Variants in SMYD2 observed in about 807,000 individuals in gnomAD.
The protein encoded by SMYD2 is N-lysine methyltransferase SMYD2.
Under a neutral mutation model 59.1 loss-of-function variants are expected in SMYD2, and 53 were observed. The ratio of observed to expected loss-of-function variants is 0.90; its 90% CI spans 0.72 to 1.13. The LOEUF (loss-of-function observed/expected upper bound fraction) is 1.13. SMYD2 is among the 50% of genes most tolerant of loss of function. The probability of loss-of-function intolerance (pLI) is 0.00; values close to 1 mark genes in which losing one functional copy is unlikely to be tolerated. For missense variants in SMYD2, 494 were observed against 544.7 expected, an observed-to-expected ratio of 0.91 and a Z score of 0.93; for synonymous variants, 208 against 198.8, an observed-to-expected ratio of 1.05 and a Z score of -0.39.
intron 1 of SMYD2, 100 bp from the exon 2 acceptor site, chr1:214,305,087 C>A: frequency 9.1e-7 from 1 of 1,103,282 alleles, no homozygotes; most frequent in South Asian, 1.3e-5. Flanking sequence ...TGAACCTTGG[C>A]TCTGCTTTCC....
At chr1:214,295,971 C>T (rs1308564567) in intron 1 of SMYD2, among the ~76,000 whole-genome samples, 1 of 152,170 alleles carries the variant, frequency 6.6e-6, no homozygotes, top group African/African-American at 2.4e-5. Flanking sequence ...GCTTTTTTCC[C>T]ATTCTCTTTT....
In SMYD2 at chr1:214,336,919, A is replaced by G. The variant is rs1657449580; in HGVS notation, c.*135A>G. On this transcript the variant is annotated 3_prime_UTR_variant, in exon 12 of 12. Transcript: ENST00000366957. The stretch of plus-strand genomic sequence containing the variant: ...ATGAAAATACTTCTTGCACTTAAAC[A>G]CTGCACATGCCGTACTTTGAGGTTA... 4.3e-6 allele frequency: 3 copies of G among 698,148 alleles called. No individual in the cohort carries two copies. The highest frequency in any genetic ancestry group is 3.0e-5 in the East Asian group (1 of 33,010). 43.2% of individuals were successfully genotyped at this position (698,148 alleles called of 1,614,324 possible).
intron 5 of SMYD2, among the ~76,000 whole-genome samples, chr1:214,323,311 G>A (rs72755497): frequency 6.6e-6 from 1 of 152,136 alleles, no homozygotes; most frequent in African/African-American, 2.4e-5. Flanking sequence ...GTACATATCT[G>A]TGGAAAGAAT....
At chr1:214,285,523 G>T (rs1465071215) in intron 1 of SMYD2, among the ~76,000 whole-genome samples, 1 of 152,122 alleles carries the variant, frequency 6.6e-6, no homozygotes, top group Admixed American at 6.5e-5. Context: ...CTAATAAAGG[G>T]GTTCCCCTTC....
intron 9 of SMYD2, 159 bp downstream of exon 9, chr1:214,331,229 A>C: frequency 2.0e-6 from 2 of 1,016,680 alleles, no homozygotes; most frequent in Non-Finnish European, 1.4e-6. Context: ...ACCACCCACA[A>C]TGTGGTGTCC....
chr1:214,281,993 C>G (rs1306786301), intron 1 of SMYD2, among the ~76,000 whole-genome samples: 1 of 152,208 alleles, frequency 6.6e-6, no homozygotes, highest in Non-Finnish European at 1.5e-5. Context: ...GGGCACTGAC[C>G]ACACCCCCTG....
intron 1 of SMYD2, among the ~76,000 whole-genome samples, chr1:214,283,052 C>T (rs1030286824): frequency 6.6e-6 from 1 of 152,156 alleles, no homozygotes; most frequent in Non-Finnish European, 1.5e-5. Flanking sequence ...ATAGTAGGTG[C>T]TTACTTTATA....
chr1:214,281,461 G>C, intron 1 of SMYD2, 34 bp downstream of exon 1: 1 of 1,326,898 alleles, frequency 7.5e-7, no homozygotes, highest in Non-Finnish European at 9.7e-7. Flanking sequence ...GCGGGCGGGA[G>C]CCGGGGGCGC....
intron 1 of SMYD2, among the ~76,000 whole-genome samples, chr1:214,297,337 T>C (rs1656749156): frequency 1.3e-5 from 2 of 152,126 alleles, no homozygotes; most frequent in African/African-American, 4.8e-5. Flanking sequence ...TAAGGAAATT[T>C]TGTTTTCTTT....
At chr1:214,325,267 C>A (rs1657242750) in intron 6 of SMYD2, among the ~76,000 whole-genome samples, 1 of 152,232 alleles carries the variant, frequency 6.6e-6, no homozygotes, top group South Asian at 2.1e-4. Flanking sequence ...AAAGGCTAGC[C>A]AGTTGACAAA....
intron 1 of SMYD2, 128 bp downstream of exon 1, chr1:214,281,555 G>C (rs1374131762): frequency 9.9e-5 from 20 of 203,018 alleles, no homozygotes; most frequent in Non-Finnish European, 1.6e-4. Flanking sequence ...GGGGTGGGGG[G>C]CGGGGAGGGG....
intron 3 of SMYD2, among the ~76,000 whole-genome samples, chr1:214,316,917 G>T (rs190894643): frequency 1.0e-3 from 156 of 152,312 alleles, no homozygotes; most frequent in Middle Eastern, 3.4e-3. Context: ...TGGGTGTGAG[G>T]TATCAGAGTC....
intron 1 of SMYD2, among the ~76,000 whole-genome samples, chr1:214,285,059 A>T (rs1415765074): frequency 6.6e-6 from 1 of 152,120 alleles, no homozygotes; most frequent in Non-Finnish European, 1.5e-5. Flanking sequence ...GCCTCCTTGG[A>T]ATAGAGCTGT....
chr1:214,331,020 G>C lies in SMYD2; in HGVS notation c.887G>C (p.Arg296Thr). ...PKAEAIRDMVRYARNVIEEFR... is the reference protein window; with the variant it reads ...PKAEAIRDMVTYARNVIEEFR... ...GCAGAAGCCATCCGAGACATGGTCA[G>C]ATATGCACGCAACGTCATTGAAGAG... The change falls in exon 9 of 12, where the codon AGA becomes ACA. Residue 296 changes from arginine (R) to threonine (T), a missense_variant. Physicochemically the swap from Arg to Thr is moderately conservative, Grantham distance 71. Coordinates refer to ENST00000366957, the MANE Select transcript of SMYD2 (RefSeq NM_020197.3). 6.2e-7 allele frequency: 1 copy of C among 1,614,248 alleles called. No individual in the cohort carries two copies. Among genetic ancestry groups the C allele is most frequent in the Non-Finnish European group, 8.5e-7 (1 of 1,180,044 alleles).
In SMYD2 at chr1:214,314,756, T is replaced by TC; in HGVS notation, c.238-3dup. On this transcript the variant is annotated splice_polypyrimidine_tract_variant and splice_region_variant and intron_variant, in intron 2 of 11. Transcript: ENST00000366957. ...TTTTTAATAATGTTTTTTTCAATCT[T>TC]CCCAGAAAGAAGATTGGCCCATGCA... 1 of 1,610,018 alleles carries TC rather than the reference T, an allele frequency of 6.2e-7. No homozygotes were observed. The highest frequency in any genetic ancestry group is 8.5e-7 in the Non-Finnish European group (1 of 1,176,580).
intron 1 of SMYD2, among the ~76,000 whole-genome samples, chr1:214,289,294 T>C (rs767127828): frequency 4.6e-5 from 7 of 152,222 alleles, no homozygotes; most frequent in Non-Finnish European, 8.8e-5. Flanking sequence ...TTAGGCTTAC[T>C]GCTTTGAACT....
At chr1:214,326,418 G>GA (rs1180308513) in intron 6 of SMYD2, among the ~76,000 whole-genome samples, 1 of 152,072 alleles carries the variant, frequency 6.6e-6, no homozygotes, top group Non-Finnish European at 1.5e-5. Flanking sequence ...TCCGCAAGAT[G>GA]GTTTTAGAAA....
intron 11 of SMYD2, 69 bp downstream of exon 11, chr1:214,334,377 C>T (rs1030682572): frequency 7.3e-7 from 1 of 1,370,394 alleles, no homozygotes; most frequent in Non-Finnish European, 1.0e-6. Context: ...TCCTTCATGC[C>T]TCACCAGGCT....
In SMYD2 at chr1:214,336,767, G is replaced by A. The variant is rs984688341; in HGVS notation, c.1285G>A (p.Glu429Lys). 3 of 1,613,432 alleles carry A rather than the reference G, an allele frequency of 1.9e-6. No individual in the cohort carries two copies. The highest frequency in any genetic ancestry group is 1.7e-5 in the Admixed American group (1 of 59,962). The change falls in exon 12 of 12, where the codon GAA (glutamate) becomes AAA (lysine). Residue 429 changes from glutamate to lysine, a missense_variant. Glu to Lys is a moderately conservative substitution (Grantham distance 56). Coordinates refer to ENST00000366957, the MANE Select transcript of SMYD2 (RefSeq NM_020197.3). ...TCCATATATTTCTGAGATCAAACAG[G>A]AAATTGAAAGCCACTGAAACTATGC... ...DHPYISEIKQ[E>K]IESH is the part of the protein sequence containing the mutation.
Sources: allele counts gnomAD v4.1 joint callset (sites outside exome capture counted in the v4.1 genomes callset), GRCh38; gene constraint gnomAD v4.1.1; transcripts MANE v1.5; gene names NCBI Gene and HGNC (gene_info 2026-07-23, HGNC 2026-07-21).